The following FAAH2 variants were observed in gnomAD, a reference collection of about 807,000 sequenced individuals.
The protein encoded by FAAH2 is fatty-acid amide hydrolase 2.
In FAAH2, 60 loss-of-function variants were observed where a neutral mutation model predicts 36.9. That is an observed-to-expected ratio of 1.63 (90% CI 1.32 to 2.02). The LOEUF is 2.02. Among genes scored for constraint, FAAH2 ranks in the 30% most tolerant of loss-of-function variants. The pLI is 0.00. For synonymous variants in FAAH2, 214 were observed against 143.8 expected, an observed-to-expected ratio of 1.49 and a Z score of -3.49; for missense variants, 689 against 397.5, an observed-to-expected ratio of 1.73 and a Z score of -6.23.
At chrX:57,398,816 C>T (rs528998361) in intron 7 of FAAH2, among the ~76,000 whole-genome samples, 10 of 111,401 alleles carry the variant, frequency 9.0e-5, no homozygotes, top group Middle Eastern at 4.6e-3. Context: ...AAGGTGGGTG[C>T]GGTCACCTTC....
the FAAH2 span, among the ~76,000 whole-genome samples, chrX:57,243,082 A>C: frequency 9.0e-6 from 1 of 111,374 alleles, no homozygotes; most frequent in African/African-American, 3.3e-5. Flanking sequence ...GGTGTCCACT[A>C]TTACTAAGGC....
At chrX:57,394,347 G>A (rs1602518606) in intron 7 of FAAH2, 2 of 1,171,592 alleles carry the variant, frequency 1.7e-6, no homozygotes. Flanking sequence ...TTCCCAACAG[G>A]CTGGTGCTTC....
At chrX:57,280,839 A>T in the FAAH2 span, among the ~76,000 whole-genome samples, 1 of 112,456 alleles carries the variant, frequency 8.9e-6, no homozygotes, top group Non-Finnish European at 1.9e-5. Flanking sequence ...TTCAATAGTG[A>T]AAAGGTTAAA....
At chrX:57,224,624 G>C in the FAAH2 span, among the ~76,000 whole-genome samples, 1 of 112,084 alleles carries the variant, frequency 8.9e-6, no homozygotes, top group East Asian at 2.8e-4. Flanking sequence ...TGGAAGACAC[G>C]TACCCCTGAA....
At chrX:57,448,782 A>G in intron 10 of FAAH2, 64 bp downstream of exon 10, 1 of 1,086,490 alleles carries the variant, frequency 9.2e-7, no homozygotes, top group Non-Finnish European at 1.3e-6. Context: ...TTTCCAAGGA[A>G]AGCATAATTT....
At position 57,331,817 on chromosome X, in the gene FAAH2, A is replaced by G; in HGVS notation, c.622+10A>G. The G allele has an allele frequency of 8.4e-7, 1 of 1,189,040 alleles. No homozygotes were observed. The highest frequency in any genetic ancestry group is 1.8e-5 in the African/African-American group (1 of 56,915). On this transcript the variant is annotated intron_variant, in intron 4 of 10. Coordinates refer to ENST00000374900, the MANE Select transcript of FAAH2 (RefSeq NM_174912.4). ...GTAGGTGGAAGTTCTGGTGAGTTGGACATTTTAGTATGGCATGAATAGCTA... is the reference window on the plus strand; with the variant it reads ...GTAGGTGGAAGTTCTGGTGAGTTGGGCATTTTAGTATGGCATGAATAGCTA...
chrX:57,365,871 T>A (rs893546470), intron 5 of FAAH2, among the ~76,000 whole-genome samples: 2 of 112,369 alleles, frequency 1.8e-5, no homozygotes, highest in African/African-American at 3.2e-5. Flanking sequence ...GCACTCTGAA[T>A]TTCCTGCAGT....
the FAAH2 span, among the ~76,000 whole-genome samples, chrX:57,243,484 C>T: frequency 2.7e-5 from 3 of 111,923 alleles, no homozygotes; most frequent in Non-Finnish European, 5.6e-5. Context: ...CAACAGACAC[C>T]TCATATAGGA....
At chrX:57,484,104 C>T (rs2057430344) in intron 10 of FAAH2, among the ~76,000 whole-genome samples, 1 of 111,044 alleles carries the variant, frequency 9.0e-6, no homozygotes, top group Non-Finnish European at 1.9e-5. Context: ...TGCGCCCAGC[C>T]ACTGGCAACT....
chrX:57,260,561 G>C, the FAAH2 span, among the ~76,000 whole-genome samples: 1 of 111,577 alleles, frequency 9.0e-6, no homozygotes, highest in African/African-American at 3.3e-5. Context: ...ATATATTGGA[G>C]TTCATCAAAA....
At chrX:57,152,236 C>T in the FAAH2 span, among the ~76,000 whole-genome samples, 5 of 112,272 alleles carry the variant, frequency 4.5e-5, no homozygotes, top group African/African-American at 1.3e-4. Flanking sequence ...TTGAGCAGGC[C>T]GTCTGCCAGT....
chrX:57,406,095 C>T (rs775232203), intron 7 of FAAH2, among the ~76,000 whole-genome samples: 8 of 111,001 alleles, frequency 7.2e-5, no homozygotes, highest in Non-Finnish European at 1.3e-4. Context: ...TTTGAAATTG[C>T]CATTGTACAG....
intron 7 of FAAH2, among the ~76,000 whole-genome samples, chrX:57,418,762 C>A (rs868247501): frequency 7.3e-4 from 80 of 109,270 alleles, no homozygotes; most frequent in African/African-American, 2.5e-3. Context: ...GGTACATGTG[C>A]ACAATGTGCA....
At chrX:57,252,671 A>C in the FAAH2 span, among the ~76,000 whole-genome samples, 1 of 112,331 alleles carries the variant, frequency 8.9e-6, no homozygotes, top group African/African-American at 3.2e-5. Flanking sequence ...CCTGCAGCTG[A>C]GGGGTCAGTC....
chrX:57,475,238 C>T (rs1326676107), intron 10 of FAAH2, among the ~76,000 whole-genome samples: 1 of 111,684 alleles, frequency 9.0e-6, no homozygotes, highest in Non-Finnish European at 1.9e-5. Flanking sequence ...GTTGCAATTG[C>T]TCTTGGTGTT....
chrX:57,311,974 T>C (rs190835016), intron 3 of FAAH2, among the ~76,000 whole-genome samples: 1 of 112,016 alleles, frequency 8.9e-6, no homozygotes, highest in East Asian at 2.9e-4. Context: ...AAGGGAGAGA[T>C]GCATGGGTTT....
intron 7 of FAAH2, among the ~76,000 whole-genome samples, chrX:57,399,351 G>C (rs138280165): frequency 6.3e-5 from 7 of 111,860 alleles, no homozygotes; most frequent in Non-Finnish European, 1.1e-4. Flanking sequence ...TAAGTGAAAG[G>C]TTTGGTGAAG....
chrX:57,338,024 G>C (rs5914973), intron 4 of FAAH2, among the ~76,000 whole-genome samples: 23,402 of 111,293 alleles, frequency 0.21, 2,230 homozygotes, highest in Middle Eastern at 0.54. Context: ...CAGCCCAAAA[G>C]CTTCTTAATC....
At chrX:57,414,844 C>T (rs1025576789) in intron 7 of FAAH2, among the ~76,000 whole-genome samples, 2 of 103,281 alleles carry the variant, frequency 1.9e-5, no homozygotes, top group Non-Finnish European at 3.9e-5. Context: ...TTCATCTTGT[C>T]CTGGGCTTTT....
Sources: gnomAD v4.1 joint callset for allele counts (sites outside exome capture counted in the v4.1 genomes callset) on GRCh38, gnomAD v4.1.1 for gene constraint, MANE v1.5 for transcripts, NCBI Gene and HGNC (gene_info 2026-07-23, HGNC 2026-07-21) for gene names.